ITGA2: variants seen among roughly 807,000 people sequenced by gnomAD.
ITGA2 encodes integrin alpha-2.
In ITGA2, 101 loss-of-function variants were observed where a neutral mutation model predicts 146.3. The observed-to-expected ratio is 0.69, with a 90% CI of 0.59 to 0.81. ITGA2 has a LOEUF of 0.81. Ranked by LOEUF, ITGA2 falls within the 40% of genes least tolerant of loss-of-function variation. The pLI is 0.00. For synonymous variants in ITGA2, 477 were observed against 487.1 expected (o/e 0.98, Z 0.27); for missense variants, 1,281 against 1,402.7 (o/e 0.91, Z 1.39).
At chr5:53,005,493 A>G (rs1741796510) in intron 1 of ITGA2, among the ~76,000 whole-genome samples, 4 of 151,342 alleles carry the variant, frequency 2.6e-5, no homozygotes, top group Non-Finnish European at 5.9e-5. Flanking sequence ...AGGTAGGAGA[A>G]TTGCTGGAAC....
At position 53,039,646 on chromosome 5, in the gene ITGA2, A is replaced by G. The variant is rs556718591; in HGVS notation, c.186-2466A>G. ...TCTTAGCTACTTGGGAGGCTGAGGC[A>G]GGAGAGTCGCTTAAACCCGGGAGGT... On this transcript the variant is annotated intron_variant, in intron 2 of 29. Transcript: ENST00000296585. Among the ~76,000 whole-genome samples the G allele has an allele frequency of 1.3e-4, 19 of 147,746 alleles. No homozygotes were observed. The South Asian group carries it at 2.2e-3, about 17-fold the overall frequency.
At chr5:53,052,217 C>T (rs1223280351) in intron 7 of ITGA2, among the ~76,000 whole-genome samples, 1 of 152,092 alleles carries the variant, frequency 6.6e-6, no homozygotes, top group African/African-American at 2.4e-5. Flanking sequence ...AGGTACTTCT[C>T]CTAATGCTAT....
intron 1 of ITGA2, among the ~76,000 whole-genome samples, chr5:53,001,996 C>G (rs1213100564): frequency 6.6e-6 from 1 of 151,946 alleles, no homozygotes; most frequent in Non-Finnish European, 1.5e-5. Flanking sequence ...ATAACAAAGT[C>G]TTTTATTGCC....
chr5:53,038,107 G>C (rs537361166), intron 2 of ITGA2, among the ~76,000 whole-genome samples: 1 of 151,944 alleles, frequency 6.6e-6, no homozygotes, highest in African/African-American at 2.4e-5. Flanking sequence ...GAGGTGACAG[G>C]GAGAGTGTCC....
intron 20 of ITGA2, among the ~76,000 whole-genome samples, chr5:53,074,149 A>G (rs1745539686): frequency 6.6e-6 from 1 of 151,950 alleles, no homozygotes; most frequent in Non-Finnish European, 1.5e-5. Context: ...AAAATACAGT[A>G]TTTAATCTTT....
chr5:53,028,691 G>A (rs763193785), intron 2 of ITGA2, among the ~76,000 whole-genome samples: 8 of 152,178 alleles, frequency 5.3e-5, no homozygotes, highest in Non-Finnish European at 1.0e-4. Context: ...AAACTGAACT[G>A]GGAGAACACA....
At chr5:53,044,882 A>G (rs1405672028) in intron 3 of ITGA2, 119 bp from the exon 4 acceptor site, 1 of 732,746 alleles carries the variant, frequency 1.4e-6, no homozygotes, top group Middle Eastern at 2.7e-4. Flanking sequence ...TCAAGTACCT[A>G]TATTGATGAC....
chr5:53,022,543 A>C (rs1250184561), intron 1 of ITGA2, among the ~76,000 whole-genome samples: 2 of 152,182 alleles, frequency 1.3e-5, no homozygotes, highest in African/African-American at 4.8e-5. Flanking sequence ...GATGGTCAGG[A>C]ATCCTCAGGA....
chr5:53,073,313 C>T (rs1450280594), intron 20 of ITGA2, 54 bp downstream of exon 20: 1 of 1,577,930 alleles, frequency 6.3e-7, no homozygotes, highest in Non-Finnish European at 8.7e-7. Flanking sequence ...TTATAGATCA[C>T]TGTCTTCTCT....
chr5:53,053,515 G>T (rs1191564825), intron 7 of ITGA2, among the ~76,000 whole-genome samples: 2 of 152,128 alleles, frequency 1.3e-5, no homozygotes, highest in Non-Finnish European at 2.9e-5. Context: ...GGGAAGGTGG[G>T]AGTAGCATTT....
Position 53,067,221 on chromosome 5 carries a change from G to A in ITGA2, c.2047G>A (p.Ala683Thr). The A allele has an allele frequency of 6.2e-7, 1 of 1,611,636 alleles. No homozygotes were observed. Among genetic ancestry groups the A allele is most frequent in the Non-Finnish European group, 8.5e-7 (1 of 1,178,698 alleles). ...AQIILKLCFS[A>T]KFRPTKQNNQ... The stretch of plus-strand genomic sequence containing the variant: ...GATAATTCTCAAACTCTGCTTCAGT[G>A]CAAAGTTCAGACCTACTAAGCAAAA... Residue 683 changes from alanine to threonine, a missense_variant, in exon 16 of 30, where the codon GCA (alanine) becomes ACA (threonine). Physicochemically the swap from Ala to Thr is moderately conservative, Grantham distance 58 (BLOSUM62 0). Transcript: ENST00000296585.
chr5:53,085,412 A>G (rs755131357), intron 27 of ITGA2, among the ~76,000 whole-genome samples: 2 of 152,184 alleles, frequency 1.3e-5, no homozygotes, highest in Non-Finnish European at 2.9e-5. Flanking sequence ...TTAACCCTGC[A>G]GGATATTGTA....
intron 1 of ITGA2, among the ~76,000 whole-genome samples, chr5:53,021,583 C>T (rs548783178): frequency 1.3e-5 from 2 of 152,200 alleles, no homozygotes; most frequent in African/African-American, 4.8e-5. Flanking sequence ...CTGCCCTCGG[C>T]ATGCTCTAGT....
chr5:53,032,500 C>T (rs1332467918), intron 2 of ITGA2, among the ~76,000 whole-genome samples: 1 of 151,880 alleles, frequency 6.6e-6, no homozygotes, highest in Non-Finnish European at 1.5e-5. Context: ...AGTAATTAAC[C>T]TAAGATTACA....
At chr5:53,034,777 G>A (rs1743402893) in intron 2 of ITGA2, among the ~76,000 whole-genome samples, 1 of 152,086 alleles carries the variant, frequency 6.6e-6, no homozygotes, top group Admixed American at 6.6e-5. Flanking sequence ...ATCTAAAGAA[G>A]GATCTGGGGA....
Position 53,043,198 on chromosome 5 carries a change from A to G in ITGA2, c.295+977A>G, listed in dbSNP as rs565868457. 4.9e-4 allele frequency among the ~76,000 whole-genome samples: 74 copies of G among 149,768 alleles called. 1 individual carries two copies. Among genetic ancestry groups the G allele is most frequent in the Non-Finnish European group, 7.4e-4 (50 of 67,246 alleles). ...TCTCCAAATTTTTTGAACACTCAGT[A>G]TATATATATATATATTTCTAATAAC... On this transcript the variant is annotated intron_variant, in intron 3 of 29. Transcript: ENST00000296585.
intron 7 of ITGA2, among the ~76,000 whole-genome samples, chr5:53,053,463 G>T (rs1048923879): frequency 6.6e-6 from 1 of 152,260 alleles, no homozygotes; most frequent in East Asian, 1.9e-4. Context: ...ATGAAAAATG[G>T]CTTTCCTGGA....
intron 1 of ITGA2, among the ~76,000 whole-genome samples, chr5:53,021,859 C>T (rs530988579): frequency 1.3e-5 from 2 of 152,248 alleles, no homozygotes; most frequent in Admixed American, 6.5e-5. Flanking sequence ...TTCCCAAGTC[C>T]ACCTCTTGCT....
rs116163835 is a variant in ITGA2 at position 53,041,709 on chromosome 5, C to T, written c.186-403C>T. Among the ~76,000 whole-genome samples, 215 of 152,204 alleles carry T rather than the reference C, an allele frequency of 1.4e-3. 2 individuals are homozygous for T. Among genetic ancestry groups the T allele is most frequent in the African/African-American group, 4.9e-3 (204 of 41,542 alleles). ...TAGGAAAAATGAATGTCAAATATCT[C>T]ATTACTAATTTTGATATTGCATGCT... On this transcript the variant is annotated intron_variant, in intron 2 of 29. Transcript: ENST00000296585.
Sources: allele counts gnomAD v4.1 joint callset (sites outside exome capture counted in the v4.1 genomes callset), GRCh38; gene constraint gnomAD v4.1.1; transcripts MANE v1.5; gene names NCBI Gene and HGNC (gene_info 2026-07-23, HGNC 2026-07-21).